UTP14A: variants seen among roughly 807,000 people sequenced by gnomAD.
UTP14A encodes UTP14A small subunit processome component.
In UTP14A, 5 loss-of-function variants were observed where a neutral mutation model predicts 57.2. The ratio of observed to expected loss-of-function variants is 0.09; its 90% CI spans 0.05 to 0.18. The LOEUF (loss-of-function observed/expected upper bound fraction) is 0.18. UTP14A is among the 10% of genes least tolerant of loss of function. The pLI is 1.00. For synonymous variants in UTP14A, 169 were observed against 210.9 expected (o/e 0.80, Z 1.72); for missense variants, 430 against 562.1 (o/e 0.76, Z 2.38).
Position 129,924,826 on chromosome X carries a change from G to C in UTP14A, c.1380G>C (p.Leu460Phe), listed in dbSNP as rs752637329. Residue 460 changes from leucine (L) to phenylalanine (F), a missense_variant, in exon 12 of 15, where the codon TTG becomes TTC. This residue lies in a region of UTP14A where 120 missense variants were observed against 116.8 expected (regional missense o/e 1.03). Transcript: ENST00000394422. ...DSGSQEVLSE[L>F]RVLSQKLKEN... ...GCAGCCAGGAGGTGCTGTCTGAATT[G>C]AGAGTACTATCTCAGAAATTGAAGG... 8.3e-7 allele frequency: 1 copy of C among 1,200,878 alleles called. No individual in the cohort carries two copies. The highest frequency in any genetic ancestry group is 3.0e-5 in the East Asian group (1 of 33,730).
Position 129,927,617 on chromosome X carries a change from G to A in UTP14A, c.2043+1278G>A, listed in dbSNP as rs760633942. ...CACCTCCCAAGTTCAAGCTATTCTC[G>A]TGTCTCAGCCTCCTGAGTAGCTGGG... is the stretch of plus-strand genomic sequence containing the variant. On this transcript the variant is annotated intron_variant, in intron 14 of 14. Transcript: ENST00000394422. Among the ~76,000 whole-genome samples, 7 of 111,512 alleles carry A rather than the reference G, an allele frequency of 6.3e-5. No homozygotes were observed. In the South Asian group the frequency reaches 2.7e-3, roughly 42 times the overall value.
intron 11 of UTP14A, chrX:129,921,866 C>T (rs1929929845): frequency 6.7e-6 from 2 of 296,662 alleles, no homozygotes; most frequent in East Asian, 1.1e-4. Context: ...AATAACTAAA[C>T]CATACTCGAA....
rs762482302 is a variant in UTP14A at position 129,929,467 on chromosome X, A to G, written c.2175A>G (p.Pro725=). Residue 725 remains proline (P), a synonymous_variant, in exon 15 of 15, where the codon CCA becomes CCG. Transcript: ENST00000394422. The part of the protein sequence containing the change: ...KLTTPKVVTK[P]GHIINPIKAE... ...CTACTCCCAAGGTCGTCACCAAGCC[A>G]GGCCATATCATTAACCCCATAAAAG... 1.8e-5 allele frequency: 22 copies of G among 1,212,010 alleles called. No individual in the cohort carries two copies. The highest frequency in any genetic ancestry group is 2.5e-5 in the Non-Finnish European group (22 of 895,612).
At chrX:129,925,767 G>C in intron 12 of UTP14A, 152 bp from the exon 13 acceptor site, 1 of 646,918 alleles carries the variant, frequency 1.5e-6, no homozygotes, top group Non-Finnish European at 2.3e-6. Flanking sequence ...ATTTGAGCAT[G>C]ATTGGCTGTG....
At chrX:129,920,988 G>A (rs780490271) in intron 10 of UTP14A, 43 of 747,571 alleles carry the variant, frequency 5.8e-5, no homozygotes, top group Admixed American at 4.4e-4. Context: ...TTATTTCACC[G>A]TTGATTCCTT....
Position 129,911,846 on chromosome X carries a change from A to G in UTP14A, c.462A>G (p.Ala154=), listed in dbSNP as rs757197763. ...CTGTCGTCCTGAAGAACCGGCAGGC[A>G]GAGCAGCTGGTTTTTCCCCTGGAGA... ...WDPVVLKNRQ[A]EQLVFPLEKE... is the part of the protein sequence containing the mutation. The change falls in exon 6 of 15, where the codon GCA becomes GCG. Residue 154 remains alanine (A), a synonymous_variant. Coordinates refer to ENST00000394422, the MANE Select transcript of UTP14A (RefSeq NM_006649.4). 8.3e-6 allele frequency: 10 copies of G among 1,209,490 alleles called. No homozygotes were observed. The African/African-American group carries it at 1.8e-4, about 21-fold the overall frequency.
intron 11 of UTP14A, 58 bp downstream of exon 11, chrX:129,921,645 G>A (rs1569339674): frequency 2.9e-6 from 3 of 1,032,181 alleles, no homozygotes; most frequent in African/African-American, 3.9e-5. Flanking sequence ...GACTATGGGA[G>A]AAAAAAAAAA....
chrX:129,924,909 A>G lies in UTP14A; in HGVS notation c.1463A>G (p.Gln488Arg), dbSNP rs1275996018. 8.3e-7 allele frequency: 1 copy of G among 1,209,548 alleles called. No individual in the cohort carries two copies. Among genetic ancestry groups the G allele is most frequent in the Non-Finnish European group, 1.1e-6 (1 of 895,213 alleles). Reference sequence around the variant, plus strand: ...TCAGAGGGGACTATTCCCCAGGTCCAGAGAGAGGAACCTGCCCCAGAAGAA... The same window carrying G: ...TCAGAGGGGACTATTCCCCAGGTCCGGAGAGAGGAACCTGCCCCAGAAGAA... ...ASSEGTIPQV[Q>R]REEPAPEEEE... The change falls in exon 12 of 15, where the codon CAG becomes CGG. Residue 488 changes from glutamine to arginine, a missense_variant. Physicochemically the swap from Gln to Arg is conservative, Grantham distance 43. This residue lies in a region of UTP14A where 120 missense variants were observed against 116.8 expected (regional missense o/e 1.03). Coordinates refer to ENST00000394422, the MANE Select transcript of UTP14A (RefSeq NM_006649.4).
chrX:129,924,317 C>T (rs1044487729), intron 11 of UTP14A, among the ~76,000 whole-genome samples: 5 of 91,331 alleles, frequency 5.5e-5, no homozygotes, highest in Admixed American at 3.9e-4. Context: ...GACGGAGTCT[C>T]GCTCTGTCAC....
At chrX:129,906,441 G>A (rs1929260807) in intron 1 of UTP14A, among the ~76,000 whole-genome samples, 1 of 111,991 alleles carries the variant, frequency 8.9e-6, no homozygotes, top group Non-Finnish European at 1.9e-5. Context: ...CTGTATAGCC[G>A]CATCCCTGTT....
chrX:129,923,126 ACC>A (rs1929976463), intron 11 of UTP14A: 2 of 112,648 alleles, frequency 1.8e-5, no homozygotes, highest in Non-Finnish European at 3.7e-5. Flanking sequence ...GAGCAAGGAA[ACC>A]TGATTCTTGA....
chrX:129,908,417 G>A (rs904794568), intron 3 of UTP14A: 2 of 406,053 alleles, frequency 4.9e-6, no homozygotes, highest in Admixed American at 8.8e-5. Flanking sequence ...ATAAGTTACA[G>A]GTTCAGGTGT....
rs935247780 is a variant in UTP14A at position 129,911,679 on chromosome X, A to T, written c.382-87A>T. 1.7e-5 allele frequency: 18 copies of T among 1,078,524 alleles called. No individual in the cohort carries two copies. In the African/African-American group the frequency reaches 2.4e-4, roughly 14 times the overall value. 88.9% of individuals were successfully genotyped at this position (1,078,524 alleles called of 1,213,427 possible). A position where few individuals can be genotyped will look rare whatever the true frequency, so the allele number is the denominator to read the frequency against. On this transcript the variant is annotated intron_variant, in intron 5 of 14. Coordinates refer to ENST00000394422, the MANE Select transcript of UTP14A (RefSeq NM_006649.4). ...TCCTGATTCTTTCTTGGGCTAAGAA[A>T]TGTTGCTTCCTAATTTCTTGTTAGT...
In UTP14A at chrX:129,913,230, A is replaced by C; in HGVS notation, c.537+1309A>C. 1.1e-5 allele frequency: 3 copies of C among 270,572 alleles called. No individual in the cohort carries two copies. The Middle Eastern group carries it at 1.5e-3, about 138-fold the overall frequency. The allele number at this position is 270,572 out of a possible 1,213,427, so 22.3% of individuals were successfully genotyped here. On this transcript the variant is annotated intron_variant, in intron 6 of 14. Transcript: ENST00000394422. ...AAACATTGCTTGCCACAATAGCTAG[A>C]AATTGAGCGAGTAGTTGCTTATTAT...
intron 2 of UTP14A, among the ~76,000 whole-genome samples, chrX:129,907,848 T>C (rs1412247742): frequency 3.6e-5 from 4 of 111,202 alleles, no homozygotes; most frequent in Non-Finnish European, 5.7e-5. Context: ...CCCAGCTACT[T>C]GGGAGGCTGA....
rs760798988 is a variant in UTP14A at position 129,912,021 on chromosome X, A to G, written c.537+100A>G. The G allele has an allele frequency of 1.3e-4, 135 of 1,043,867 alleles. No individual in the cohort carries two copies. The African/African-American group carries it at 2.2e-3, about 17-fold the overall frequency. 86.0% of individuals were successfully genotyped at this position (1,043,867 alleles called of 1,213,427 possible). Reference sequence around the variant, plus strand: ...TGGACATGTTAAGCTAAACCCCAGCATAAGTCATTTTAGCTTAGTGCTCAG... The same window carrying G: ...TGGACATGTTAAGCTAAACCCCAGCGTAAGTCATTTTAGCTTAGTGCTCAG... On this transcript the variant is annotated intron_variant, in intron 6 of 14. Transcript: ENST00000394422.
chrX:129,914,614 G>GA (rs956782354), intron 6 of UTP14A, among the ~76,000 whole-genome samples: 8 of 110,606 alleles, frequency 7.2e-5, no homozygotes, highest in African/African-American at 9.8e-5. Context: ...AAAGAAAATC[G>GA]AAAGTCTGTA....
chrX:129,906,860 A>G (rs916915878), intron 1 of UTP14A, among the ~76,000 whole-genome samples: 1 of 111,489 alleles, frequency 9.0e-6, no homozygotes, highest in Non-Finnish European at 1.9e-5. Context: ...TCCTGGGAAC[A>G]AGGATCAAGA....
chrX:129,913,329 GA>G (rs1451943345), intron 6 of UTP14A: 1 of 335,498 alleles, frequency 3.0e-6, no homozygotes, highest in Admixed American at 3.2e-5. Flanking sequence ...TTTTCTACAT[GA>G]AAAAGAGATC....
Sources: allele counts gnomAD v4.1 joint callset (sites outside exome capture counted in the v4.1 genomes callset), GRCh38; gene constraint gnomAD v4.1.1; regional missense constraint gnomAD v4.1.1; transcripts MANE v1.5; gene names NCBI Gene and HGNC (gene_info 2026-07-23, HGNC 2026-07-21).